INO80: variants seen among roughly 807,000 people sequenced by gnomAD.
The protein encoded by INO80 is chromatin-remodeling ATPase INO80.
Under a neutral mutation model 203.4 loss-of-function variants are expected in INO80, and 20 were observed. The observed-to-expected ratio is 0.10, with a 90% CI of 0.07 to 0.14. INO80 has a LOEUF of 0.14. Ranked by LOEUF, INO80 falls within the 10% of genes least tolerant of loss-of-function variation. The pLI, the probability that INO80 is intolerant of heterozygous loss-of-function variation, is 1.00. For synonymous variants in INO80, 726 were observed against 685.2 expected (o/e 1.06, Z -0.93); for missense variants, 1,419 against 1,914.4 (o/e 0.74, Z 4.83).
intron 1 of INO80, among the ~76,000 whole-genome samples, chr15:41,111,705 A>T (rs2140717085): frequency 6.6e-6 from 1 of 152,064 alleles, no homozygotes; most frequent in South Asian, 2.1e-4. Context: ...CGGGAGGCTG[A>T]GGCAGGAGAA....
rs1893904701 is a variant in INO80 at position 40,983,258 on chromosome 15, A to T, written c.4238-181T>A. On this transcript the variant is annotated intron_variant, in intron 34 of 35. Transcript: ENST00000648947. ...CCACTGAGTCACACAGAATACTAAGAATTCTAAACAATGAAAACATCCTAA... is the reference window on the plus strand; with the variant it reads ...CCACTGAGTCACACAGAATACTAAGTATTCTAAACAATGAAAACATCCTAA... 12 of 585,614 alleles carry T rather than the reference A, an allele frequency of 2.0e-5. No homozygotes were observed. The South Asian group carries it at 2.5e-4, about 12-fold the overall frequency. 36.3% of individuals were successfully genotyped at this position (585,614 alleles called of 1,614,324 possible).
intron 5 of INO80, among the ~76,000 whole-genome samples, chr15:41,090,925 C>CTTTTT (rs60647460): frequency 8.0e-6 from 1 of 124,506 alleles, no homozygotes; most frequent in Admixed American, 8.1e-5. Flanking sequence ...TTTAGAAATT[C>CTTTTT]TTTTTTTTTT....
chr15:41,078,209 C>A (rs1448946519), intron 9 of INO80, among the ~76,000 whole-genome samples: 2 of 152,010 alleles, frequency 1.3e-5, no homozygotes, highest in African/African-American at 2.4e-5. Context: ...AGAATAATAT[C>A]TTTAACCCTA....
At chr15:40,999,669 G>A (rs1278353579) in intron 28 of INO80, among the ~76,000 whole-genome samples, 5 of 152,308 alleles carry the variant, frequency 3.3e-5, no homozygotes, top group Middle Eastern at 3.4e-3. Flanking sequence ...TGATTAAATT[G>A]TGTAGTGTAA....
chr15:41,023,204 C>G, intron 25 of INO80: 1 of 447,614 alleles, frequency 2.2e-6, no homozygotes, highest in South Asian at 1.6e-5. Flanking sequence ...TAAATATGGA[C>G]CAAAAGAAAG....
Position 41,096,270 on chromosome 15 carries a change from G to T in INO80, c.41C>A (p.Thr14Asn), listed in dbSNP as rs781725481. 6.2e-7 allele frequency: 1 copy of T among 1,608,046 alleles called. No homozygotes were observed. Among genetic ancestry groups the T allele is most frequent in the Non-Finnish European group, 8.5e-7 (1 of 1,178,542 alleles). ...AAGATAGAGGGGCTTTGCCAGCTCA[G>T]TGCAGCCTCCATCATCCCTGGCACC... The part of the protein sequence containing the change: ...ELGARDDGGC[T>N]ELAKPLYLQY... Residue 14 changes from threonine to asparagine, a missense_variant, in exon 2 of 36, where the codon ACT becomes AAT. Physicochemically the swap from Thr to Asn is moderately conservative, Grantham distance 65 (BLOSUM62 0). Around this residue, in one of 9 missense-constraint regions of INO80, gnomAD observed 323 missense variants for 325.4 expected, o/e 0.99. Coordinates refer to ENST00000648947, the MANE Select transcript of INO80 (RefSeq NM_017553.3).
At chr15:41,062,181 G>A (rs778385424) in intron 14 of INO80, among the ~76,000 whole-genome samples, 22 of 152,182 alleles carry the variant, frequency 1.4e-4, no homozygotes, top group East Asian at 3.9e-4. Context: ...CATATAAGTC[G>A]AGACAAAAGG....
intron 6 of INO80, 141 bp from the exon 7 acceptor site, chr15:41,085,724 G>A: frequency 3.1e-6 from 2 of 635,948 alleles, no homozygotes; most frequent in Non-Finnish European, 5.5e-6. Context: ...TCAGACCCAT[G>A]AATATTCCTT....
At chr15:40,994,079 T>C (rs1480993424) in intron 29 of INO80, among the ~76,000 whole-genome samples, 1 of 152,160 alleles carries the variant, frequency 6.6e-6, no homozygotes, top group Admixed American at 6.5e-5. Flanking sequence ...CTCATACTAC[T>C]CTCCCCATAG....
intron 24 of INO80, among the ~76,000 whole-genome samples, chr15:41,034,513 A>G (rs9806344): frequency 0.12 from 17,963 of 152,232 alleles, 3,156 homozygotes; most frequent in African/African-American, 0.38. Context: ...ATAGGAAGTT[A>G]TATTTAGGAG....
chr15:41,034,702 G>A (rs1440650755), intron 24 of INO80, among the ~76,000 whole-genome samples: 1 of 152,192 alleles, frequency 6.6e-6, no homozygotes, highest in African/African-American at 2.4e-5. Flanking sequence ...GTAAGAAAAA[G>A]AATGATGAGA....
At chr15:41,087,900 A>AT (rs1347411297) in intron 5 of INO80, among the ~76,000 whole-genome samples, 2 of 152,108 alleles carry the variant, frequency 1.3e-5, no homozygotes, top group Admixed American at 6.6e-5. Flanking sequence ...ACTGAAAATA[A>AT]TTTAAGAAAG....
Position 41,049,977 on chromosome 15 carries a change from G to A in INO80, c.2400C>T (p.Asn800=), listed in dbSNP as rs1163615190. 9 of 1,613,950 alleles carry A rather than the reference G, an allele frequency of 5.6e-6. No individual in the cohort carries two copies. Among genetic ancestry groups the A allele is most frequent in the African/African-American group, 1.3e-5 (1 of 74,912 alleles). Residue 800 remains asparagine (N), a synonymous_variant, in exon 20 of 36, where the codon AAC becomes AAT. Transcript: ENST00000648947. ...CCAGATTCATGAGGCTGCTGGTGGT[G>A]TTCTGTGCTTGTTGGGTAGAGCCCA... is the stretch of plus-strand genomic sequence containing the variant. ...SSMGSTQQAQ[N]TTSSLMNLVM...
intron 7 of INO80, among the ~76,000 whole-genome samples, chr15:41,084,957 A>C (rs7183191): frequency 0.12 from 17,609 of 152,130 alleles, 3,161 homozygotes; most frequent in African/African-American, 0.38. Flanking sequence ...GACTGGTCTC[A>C]AACTCCTGGG....
In INO80 at chr15:41,072,028, T is replaced by C; in HGVS notation, c.1426A>G (p.Ser476Gly). Reference sequence around the variant, plus strand: ...GCTGCCCGTAGGGCAGCTGCTCGACTTTCTTTTGCATCTTCATCAAATGAC... The same window carrying C: ...GCTGCCCGTAGGGCAGCTGCTCGACCTTCTTTTGCATCTTCATCAAATGAC... ...TRSFDEDAKE[S>G]RAAALRAANK... Residue 476 changes from serine (S) to glycine (G), a missense_variant, in exon 12 of 36, where the codon AGT (serine) becomes GGT (glycine). Ser to Gly is a moderately conservative substitution (Grantham distance 56). Coordinates refer to ENST00000648947, the MANE Select transcript of INO80 (RefSeq NM_017553.3). 1 of 1,600,916 alleles carries C rather than the reference T, an allele frequency of 6.2e-7. No homozygotes were observed. Among genetic ancestry groups the C allele is most frequent in the Non-Finnish European group, 8.5e-7 (1 of 1,176,192 alleles).
intron 16 of INO80, 72 bp downstream of exon 16, chr15:41,058,551 CTGTGTGTGTGTGTGTG>C: frequency 1.5e-5 from 13 of 872,414 alleles, no homozygotes; most frequent in Non-Finnish European, 2.2e-5. Flanking sequence ...ATATACAAGT[CTGTGTGTGTGTGTGTG>C]TGCGTGTGTG....
chr15:40,984,448 T>G, intron 32 of INO80, 96 bp from the exon 33 acceptor site: 1 of 1,183,560 alleles, frequency 8.4e-7, no homozygotes. Context: ...CTTTTATTCT[T>G]TAGTTTATAA....
chr15:41,106,070 T>A (rs1184843824), intron 1 of INO80, among the ~76,000 whole-genome samples: 2 of 151,884 alleles, frequency 1.3e-5, no homozygotes, highest in Non-Finnish European at 2.9e-5. Context: ...CCAGCCTGGG[T>A]AACATAGGGA....
In INO80 at chr15:40,984,229, C is replaced by T. The variant is rs867743384; in HGVS notation, c.4045G>A (p.Val1349Met). ...SADGDDSFIS[V>M]DSAMPSPFSE... ...AAAGGGCTTGGCATGGCTGAGTCCA[C>T]GCTAATGAAGGAGTCATCTCCGTCA... The change falls in exon 33 of 36, where the codon GTG becomes ATG. Residue 1349 changes from valine to methionine, a missense_variant. Val to Met is a conservative substitution (Grantham distance 21). Coordinates refer to ENST00000648947, the MANE Select transcript of INO80 (RefSeq NM_017553.3). 17 of 1,613,712 alleles carry T rather than the reference C, an allele frequency of 1.1e-5. No homozygotes were observed. The highest frequency in any genetic ancestry group is 4.5e-5 in the East Asian group (2 of 44,876).
Sources: allele counts gnomAD v4.1 joint callset (sites outside exome capture counted in the v4.1 genomes callset), GRCh38; gene constraint gnomAD v4.1.1; regional missense constraint gnomAD v4.1.1; transcripts MANE v1.5; gene names NCBI Gene and HGNC (gene_info 2026-07-23, HGNC 2026-07-21).